Variants in ODAD2 observed in about 807,000 individuals in gnomAD.
ODAD2 encodes outer dynein arm docking complex subunit 2.
ODAD2 carries 89 observed loss-of-function variants against 106.8 expected under a neutral mutation model. The observed-to-expected ratio is 0.83, with a 90% CI of 0.70 to 0.99. The LOEUF is 0.99. Among genes scored for constraint, ODAD2 ranks in the 50% least tolerant of loss-of-function variants. The pLI, the probability that ODAD2 is intolerant of heterozygous loss-of-function variation, is 0.00. For missense variants in ODAD2, 1,168 were observed against 1,238.5 expected (o/e 0.94, Z 0.85); for synonymous variants, 404 against 436.2 (o/e 0.93, Z 0.92).
At chr10:27,989,952 A>G (rs1850120396) in intron 2 of ODAD2, among the ~76,000 whole-genome samples, 1 of 152,324 alleles carries the variant, frequency 6.6e-6, no homozygotes, top group African/African-American at 2.4e-5. Context: ...CTAACACCTG[A>G]AGAATGAGCT....
In ODAD2 at chr10:27,997,719, A is replaced by AAAAT. The variant is rs557780594; in HGVS notation, c.-39+1271_-39+1274dup. Among the ~76,000 whole-genome samples the AAAAT allele has an allele frequency of 1.8e-3, 268 of 152,286 alleles. 2 individuals carry two copies. The highest frequency in any genetic ancestry group is 4.4e-3 in the South Asian group (21 of 4,826). On this transcript the variant is annotated intron_variant, in intron 1 of 19. Transcript: ENST00000305242. The stretch of plus-strand genomic sequence containing the variant: ...CAGAAGGCAAGATCAATGTTATTAG[A>AAAAT]AAATAAATAAATAAATAAATGGTGT...
intron 17 of ODAD2, among the ~76,000 whole-genome samples, chr10:27,887,303 A>T (rs1391744650): frequency 1.3e-5 from 2 of 152,082 alleles, no homozygotes; most frequent in Non-Finnish European, 2.9e-5. Flanking sequence ...AGGATGTAAT[A>T]ATTACAAACA....
At chr10:27,882,344 T>C (rs1841805220) in intron 17 of ODAD2, among the ~76,000 whole-genome samples, 1 of 152,152 alleles carries the variant, frequency 6.6e-6, no homozygotes, top group African/African-American at 2.4e-5. Flanking sequence ...GTAGCCAGGG[T>C]AGAGGATTAC....
intron 2 of ODAD2, among the ~76,000 whole-genome samples, chr10:27,993,383 T>C (rs1850347415): frequency 6.6e-6 from 1 of 152,054 alleles, no homozygotes; most frequent in Admixed American, 6.6e-5. Flanking sequence ...GGCGTGGTGG[T>C]TCACACCTGT....
In ODAD2 at chr10:27,871,172, C is replaced by A. The variant is rs562873798; in HGVS notation, c.2611-8550G>T. 2.0e-5 allele frequency among the ~76,000 whole-genome samples: 3 copies of A among 152,296 alleles called. No individual in the cohort carries two copies. In the East Asian group the frequency reaches 5.8e-4, roughly 29 times the overall value. On this transcript the variant is annotated intron_variant, in intron 17 of 19. Coordinates refer to ENST00000305242, the MANE Select transcript of ODAD2 (RefSeq NM_018076.5). The stretch of plus-strand genomic sequence containing the variant: ...TGTCTTCCTTTGAGAAGTGTCTGTT[C>A]ATATCCTTTGTTCACTTTTTGATGG...
Position 27,935,702 on chromosome 10 carries a change from T to TAAA in ODAD2, c.2253-453_2253-451dup, listed in dbSNP as rs34102636. On this transcript the variant is annotated intron_variant, in intron 15 of 19. Transcript: ENST00000305242. ...TGAGTAGTAGCTTGTGCTACTTGGA[T>TAAA]AAAAAAAAAAAAGTCACTCTCAGGT... 3.6e-3 allele frequency among the ~76,000 whole-genome samples: 523 copies of TAAA among 146,438 alleles called. 3 individuals are homozygous for TAAA. The highest frequency in any genetic ancestry group is 0.011 in the African/African-American group (422 of 40,052).
chr10:27,855,961 A>G (rs1391378913), intron 19 of ODAD2, among the ~76,000 whole-genome samples: 4 of 152,186 alleles, frequency 2.6e-5, no homozygotes, highest in Non-Finnish European at 4.4e-5. Context: ...TGATGCCTTT[A>G]ATAGGTGCTC....
chr10:27,978,490 C>T (rs767572435), intron 7 of ODAD2, among the ~76,000 whole-genome samples: 66 of 152,012 alleles, frequency 4.3e-4, no homozygotes, highest in Non-Finnish European at 7.9e-4. Context: ...ATGATGGGTG[C>T]ACCAAGAAAA....
intron 7 of ODAD2, among the ~76,000 whole-genome samples, chr10:27,974,692 T>G (rs530187850): frequency 1.1e-4 from 17 of 151,420 alleles, no homozygotes; most frequent in South Asian, 2.1e-4. Context: ...TGTTTTTGTT[T>G]TTTTTTTTTT....
At chr10:27,888,008 CA>C (rs1842340860) in intron 17 of ODAD2, among the ~76,000 whole-genome samples, 1 of 152,010 alleles carries the variant, frequency 6.6e-6, no homozygotes, top group Non-Finnish European at 1.5e-5. Context: ...AAAATCTGAA[CA>C]GATCAGTAAT....
intron 17 of ODAD2, among the ~76,000 whole-genome samples, chr10:27,906,042 T>C (rs1445260167): frequency 6.6e-6 from 1 of 152,124 alleles, no homozygotes; most frequent in East Asian, 1.9e-4. Flanking sequence ...TAAAAAGCTC[T>C]GCACAGCAAA....
At chr10:27,915,542 A>T (rs1050464993) in intron 16 of ODAD2, among the ~76,000 whole-genome samples, 1 of 152,070 alleles carries the variant, frequency 6.6e-6, no homozygotes. Context: ...AATGGGGATT[A>T]AGTTTCAACA....
intron 2 of ODAD2, among the ~76,000 whole-genome samples, chr10:27,990,087 A>G (rs991456731): frequency 3.3e-5 from 5 of 152,202 alleles, no homozygotes; most frequent in African/African-American, 1.2e-4. Flanking sequence ...AATTCTGTTT[A>G]TACTCTAAAG....
chr10:27,977,556 G>C (rs1359318704), intron 7 of ODAD2, among the ~76,000 whole-genome samples: 1 of 151,998 alleles, frequency 6.6e-6, no homozygotes, highest in African/African-American at 2.4e-5. Flanking sequence ...GAGTGACAGA[G>C]GGAGACTCTG....
chr10:27,885,734 A>G (rs1445226511), intron 17 of ODAD2, among the ~76,000 whole-genome samples: 1 of 18,350 alleles, frequency 5.4e-5, no homozygotes, highest in African/African-American at 1.0e-4. Context: ...TATATAAAAT[A>G]TATTATGTTA....
At chr10:27,948,090 A>G (rs1385948194) in intron 10 of ODAD2, among the ~76,000 whole-genome samples, 1 of 152,152 alleles carries the variant, frequency 6.6e-6, no homozygotes, top group African/African-American at 2.4e-5. Flanking sequence ...CAAAGGTAAG[A>G]GTTTATAGCT....
At chr10:27,923,549 G>A (rs1308753965) in intron 16 of ODAD2, among the ~76,000 whole-genome samples, 13 of 152,122 alleles carry the variant, frequency 8.5e-5, no homozygotes, top group Admixed American at 7.2e-4. Context: ...AGCAGTTACA[G>A]CATAAGACAG....
At chr10:27,850,265 T>A (rs1839151278) in intron 19 of ODAD2, among the ~76,000 whole-genome samples, 1 of 151,794 alleles carries the variant, frequency 6.6e-6, no homozygotes, top group South Asian at 2.1e-4. Flanking sequence ...GCCAACATGG[T>A]GAAACCCCCT....
chr10:27,887,899 A>C (rs1564469382), intron 17 of ODAD2, among the ~76,000 whole-genome samples: 1 of 152,094 alleles, frequency 6.6e-6, no homozygotes, highest in Non-Finnish European at 1.5e-5. Flanking sequence ...GTAAGAGAAT[A>C]GTATGAACAG....
Sources: gnomAD v4.1 joint callset for allele counts (sites outside exome capture counted in the v4.1 genomes callset) on GRCh38, gnomAD v4.1.1 for gene constraint, MANE v1.5 for transcripts, NCBI Gene and HGNC (gene_info 2026-07-23, HGNC 2026-07-21) for gene names.